Variants in SLC43A1 observed in about 807,000 individuals in gnomAD.
The protein encoded by SLC43A1 is solute carrier family 43 member 1.
A neutral mutation model predicts 59.5 loss-of-function variants in SLC43A1; 31 were observed. The ratio of observed to expected loss-of-function variants is 0.52; its 90% CI spans 0.39 to 0.70. SLC43A1 has a LOEUF of 0.70. SLC43A1 is among the 30% of genes least tolerant of loss of function. The pLI is 0.00. For synonymous variants in SLC43A1, 259 were observed against 290.9 expected (o/e 0.89, Z 1.12); for missense variants, 598 against 717.8 (o/e 0.83, Z 1.91).
chr11:57,488,478 C>A (rs778285847), intron 13 of SLC43A1, among the ~76,000 whole-genome samples: 5 of 152,166 alleles, frequency 3.3e-5, no homozygotes, highest in Non-Finnish European at 5.9e-5. Context: ...ATTTTGTCAT[C>A]ATTATTGTAA....
chr11:57,496,334 C>A (rs1944085040), intron 6 of SLC43A1, among the ~76,000 whole-genome samples, 170 bp from the exon 7 acceptor site: 1 of 152,182 alleles, frequency 6.6e-6, no homozygotes, highest in Admixed American at 6.6e-5. Context: ...ACTCAGAAGA[C>A]CCATCATTCC....
chr11:57,491,794 T>A lies in SLC43A1; in HGVS notation c.940A>T (p.Thr314Ser). ...FLWSLLTMGM[T>S]QLRIIFYMAA... Reference sequence around the variant, plus strand: ...ATGTAGAAGATGATCCGCAGCTGGGTCATGCCCATGGTGAGGAGGCTCCAC... The same window carrying A: ...ATGTAGAAGATGATCCGCAGCTGGGACATGCCCATGGTGAGGAGGCTCCAC... Residue 314 changes from threonine (T) to serine (S), a missense_variant, in exon 9 of 15, where the codon ACC becomes TCC. Coordinates refer to ENST00000278426, the MANE Select transcript of SLC43A1 (RefSeq NM_003627.6). The A allele has an allele frequency of 6.2e-7, 1 of 1,614,176 alleles. No homozygotes were observed. Among genetic ancestry groups the A allele is most frequent in the African/African-American group, 1.3e-5 (1 of 75,044 alleles).
intron 2 of SLC43A1, among the ~76,000 whole-genome samples, chr11:57,506,400 G>A (rs1944396149): frequency 6.6e-6 from 1 of 152,174 alleles, no homozygotes; most frequent in African/African-American, 2.4e-5. Context: ...GTCAGGTGTG[G>A]TGGTGTGCAC....
At chr11:57,487,016 G>A in intron 14 of SLC43A1, 79 bp downstream of exon 14, 1 of 1,486,236 alleles carries the variant, frequency 6.7e-7, no homozygotes, top group East Asian at 2.3e-5. Flanking sequence ...ATGAGTGAGG[G>A]ATGGCACCAC....
intron 2 of SLC43A1, among the ~76,000 whole-genome samples, chr11:57,506,273 G>A (rs963869994): frequency 1.3e-5 from 2 of 152,344 alleles, no homozygotes; most frequent in Non-Finnish European, 1.5e-5. Flanking sequence ...TTGAACCTGG[G>A]AGGTGGAGGA....
At chr11:57,488,081 G>T (rs1472519442) in intron 13 of SLC43A1, among the ~76,000 whole-genome samples, 1 of 152,184 alleles carries the variant, frequency 6.6e-6, no homozygotes, top group African/African-American at 2.4e-5. Flanking sequence ...GTGATGTGAA[G>T]AGACTTATGT....
Position 57,487,221 on chromosome 11 carries a change from G to A in SLC43A1, c.1410-3C>T. 6.2e-7 allele frequency: 1 copy of A among 1,611,978 alleles called. No homozygotes were observed. Among genetic ancestry groups the A allele is most frequent in the South Asian group, 1.1e-5 (1 of 91,018 alleles). ...TCCCAAAGTGGTTGGATGGGAACCT[G>A]TCCACGAGACGGGGAGTATCAGGGG... is the stretch of plus-strand genomic sequence containing the variant. On this transcript the variant is annotated splice_polypyrimidine_tract_variant and splice_region_variant and intron_variant, in intron 13 of 14. Coordinates refer to ENST00000278426, the MANE Select transcript of SLC43A1 (RefSeq NM_003627.6).
chr11:57,491,772 T>A lies in SLC43A1; in HGVS notation c.962A>T (p.Tyr321Phe). ...MGMTQLRIIFYMAAVNKMLEY... is the reference protein window; with the variant it reads ...MGMTQLRIIFFMAAVNKMLEY... ...CAGCATCTTGTTCACAGCAGCCATGTAGAAGATGATCCGCAGCTGGGTCAT... is the reference window on the plus strand; with the variant it reads ...CAGCATCTTGTTCACAGCAGCCATGAAGAAGATGATCCGCAGCTGGGTCAT... The change falls in exon 9 of 15, where the codon TAC becomes TTC. Residue 321 changes from tyrosine to phenylalanine, a missense_variant. Coordinates refer to ENST00000278426, the MANE Select transcript of SLC43A1 (RefSeq NM_003627.6). 1 of 1,614,220 alleles carries A rather than the reference T, an allele frequency of 6.2e-7. No individual in the cohort carries two copies. The highest frequency in any genetic ancestry group is 8.5e-7 in the Non-Finnish European group (1 of 1,180,036).
chr11:57,491,529 C>T (rs148279036), intron 10 of SLC43A1, 62 bp downstream of exon 10: 2 of 1,607,092 alleles, frequency 1.2e-6, no homozygotes, highest in African/African-American at 2.7e-5. Context: ...GGAGTCCCGC[C>T]CCCTGAGAAG....
chr11:57,488,757 C>G (rs1252838155), intron 13 of SLC43A1, among the ~76,000 whole-genome samples, 159 bp downstream of exon 13: 1 of 152,214 alleles, frequency 6.6e-6, no homozygotes, highest in Non-Finnish European at 1.5e-5. Context: ...GAGTCAATTA[C>G]AGCAGGATAG....
chr11:57,497,175 C>T (rs1420126915), intron 6 of SLC43A1, among the ~76,000 whole-genome samples: 3 of 143,214 alleles, frequency 2.1e-5, no homozygotes, highest in Admixed American at 7.4e-5. Flanking sequence ...TACTGCCCAC[C>T]GTGGAGGTTG....
chr11:57,504,151 C>G (rs547301712), intron 2 of SLC43A1, among the ~76,000 whole-genome samples: 2 of 152,172 alleles, frequency 1.3e-5, no homozygotes, highest in African/African-American at 4.8e-5. Context: ...GAGCCGAGAT[C>G]GCGCCACTGC....
chr11:57,511,165 T>C (rs1032791311), intron 2 of SLC43A1, among the ~76,000 whole-genome samples: 1 of 151,342 alleles, frequency 6.6e-6, no homozygotes, highest in Non-Finnish European at 1.5e-5. Context: ...GGCTCACACC[T>C]ATAATCCCAA....
intron 2 of SLC43A1, among the ~76,000 whole-genome samples, chr11:57,502,361 T>A (rs1008479048): frequency 1.6e-4 from 25 of 152,350 alleles, no homozygotes; most frequent in African/African-American, 5.8e-4. Flanking sequence ...GACCAAAGAA[T>A]GCCTAACCCA....
intron 12 of SLC43A1, 98 bp from the exon 13 acceptor site, chr11:57,489,087 C>A (rs1014742386): frequency 4.2e-6 from 6 of 1,436,952 alleles, no homozygotes; most frequent in Non-Finnish European, 5.8e-6. Flanking sequence ...TCAATTCCCA[C>A]CCCCTCGCCA....
chr11:57,492,468 T>G (rs1943939671), intron 8 of SLC43A1, among the ~76,000 whole-genome samples: 1 of 132,328 alleles, frequency 7.6e-6, no homozygotes, highest in African/African-American at 2.8e-5. Flanking sequence ...AATATATATA[T>G]AATTTATATA....
intron 14 of SLC43A1, among the ~76,000 whole-genome samples, chr11:57,486,506 A>G (rs1371828863): frequency 6.6e-6 from 1 of 151,542 alleles, no homozygotes; most frequent in Non-Finnish European, 1.5e-5. Context: ...TACAAAAAAA[A>G]AAAAACAATA....
At chr11:57,508,031 C>T (rs1249251037) in intron 2 of SLC43A1, among the ~76,000 whole-genome samples, 3 of 152,140 alleles carry the variant, frequency 2.0e-5, no homozygotes, top group Non-Finnish European at 4.4e-5. Flanking sequence ...CTTTGGGAGG[C>T]CAAGGCGGGT....
chr11:57,488,114 T>A (rs1943794002), intron 13 of SLC43A1, among the ~76,000 whole-genome samples: 1 of 152,106 alleles, frequency 6.6e-6, no homozygotes, highest in African/African-American at 2.4e-5. Flanking sequence ...CTGCAGCCCC[T>A]GTGTTAAAAA....
Sources: gnomAD v4.1 joint callset for allele counts (sites outside exome capture counted in the v4.1 genomes callset) on GRCh38, gnomAD v4.1.1 for gene constraint, MANE v1.5 for transcripts, NCBI Gene and HGNC (gene_info 2026-07-23, HGNC 2026-07-21) for gene names.